FERRY3: variants seen among roughly 807,000 people sequenced by gnomAD.
The protein encoded by FERRY3 is FERRY endosomal RAB5 effector complex subunit 3, also known as protein C12orf4.
chr12:4,534,298 T>G, the FERRY3 span: 1 of 1,608,052 alleles, frequency 6.2e-7, no homozygotes, highest in East Asian at 2.2e-5. Flanking sequence ...GAGCTTCTTT[T>G]AAGTCTGTTA....
the FERRY3 span, among the ~76,000 whole-genome samples, chr12:4,514,309 A>T: frequency 6.6e-6 from 1 of 150,584 alleles, no homozygotes; most frequent in Non-Finnish European, 1.5e-5. Flanking sequence ...ACTGTAAACT[A>T]GTTCAACCAC....
chr12:4,537,454 G>A, the FERRY3 span, among the ~76,000 whole-genome samples: 3 of 152,094 alleles, frequency 2.0e-5, no homozygotes, highest in Admixed American at 6.5e-5. Context: ...AGGATGTTGC[G>A]AATGGCAAGA....
At chr12:4,498,040 C>T in the FERRY3 span, among the ~76,000 whole-genome samples, 3 of 152,150 alleles carry the variant, frequency 2.0e-5, no homozygotes, top group East Asian at 5.8e-4. Context: ...AATCATAGCT[C>T]AATATACTTT....
the FERRY3 span, among the ~76,000 whole-genome samples, chr12:4,516,426 G>A: frequency 5.0e-3 from 759 of 152,240 alleles, 12 homozygotes; most frequent in African/African-American, 0.017. Flanking sequence ...CATGGTCTTC[G>A]CAGTACTATT....
the FERRY3 span, chr12:4,530,012 C>T: frequency 6.2e-7 from 1 of 1,612,758 alleles, no homozygotes; most frequent in South Asian, 1.1e-5. Context: ...AATCTTCATC[C>T]CAGCTGGGTT....
the FERRY3 span, among the ~76,000 whole-genome samples, chr12:4,532,812 C>T: frequency 5.0e-4 from 76 of 152,268 alleles, no homozygotes; most frequent in Non-Finnish European, 9.6e-4. Flanking sequence ...ACTGTCTTGC[C>T]GATATCCTCA....
the FERRY3 span, among the ~76,000 whole-genome samples, chr12:4,513,726 CTTATATAAAAATCAAT>C: frequency 6.6e-6 from 1 of 152,118 alleles, no homozygotes; most frequent in African/African-American, 2.4e-5. Flanking sequence ...GTCCTTACAC[CTTATATAAAAATCAAT>C]TCAAGATGGA....
the FERRY3 span, among the ~76,000 whole-genome samples, chr12:4,493,391 G>A: frequency 6.6e-6 from 1 of 152,166 alleles, no homozygotes; most frequent in African/African-American, 2.4e-5. Context: ...GAGTGAATTA[G>A]CTTTTATCCA....
the FERRY3 span, chr12:4,489,805 G>A: frequency 6.1e-5 from 97 of 1,588,102 alleles, no homozygotes; most frequent in Non-Finnish European, 8.2e-5. Context: ...ATCTATAAGG[G>A]TTTAGTGCTT....
the FERRY3 span, among the ~76,000 whole-genome samples, chr12:4,499,670 T>C: frequency 0.036 from 5,521 of 152,298 alleles, 331 homozygotes; most frequent in African/African-American, 0.12. Flanking sequence ...GGCTTCTTCC[T>C]GTCATCTAGC....
the FERRY3 span, chr12:4,490,000 T>G: frequency 1.4e-6 from 1 of 727,324 alleles, no homozygotes; most frequent in Non-Finnish European, 2.2e-6. Context: ...CTACTAGGAA[T>G]ATGTGAGTGC....
chr12:4,512,612 G>C, the FERRY3 span, among the ~76,000 whole-genome samples: 234 of 151,388 alleles, frequency 1.5e-3, 1 homozygote, highest in African/African-American at 5.4e-3. Context: ...ATGTAATCCA[G>C]CATATAAACA....
chr12:4,526,764 C>T, the FERRY3 span, among the ~76,000 whole-genome samples: 1 of 151,702 alleles, frequency 6.6e-6, no homozygotes, highest in Non-Finnish European at 1.5e-5. Context: ...ATTGCTTGAA[C>T]CCAGGAGACT....
the FERRY3 span, among the ~76,000 whole-genome samples, chr12:4,533,276 C>T: frequency 2.5e-4 from 38 of 152,172 alleles, no homozygotes; most frequent in African/African-American, 8.0e-4. Context: ...TAAACTTTGC[C>T]GCCTTAAAAA....
the FERRY3 span, among the ~76,000 whole-genome samples, chr12:4,509,516 G>C: frequency 2.7e-5 from 4 of 149,968 alleles, no homozygotes; most frequent in Admixed American, 1.3e-4. Context: ...GCTTTGAAGA[G>C]AGCACTGGTT....
At chr12:4,536,858 C>G in the FERRY3 span, among the ~76,000 whole-genome samples, 4 of 152,208 alleles carry the variant, frequency 2.6e-5, no homozygotes, top group Non-Finnish European at 2.9e-5. Context: ...AGCCTTGTAA[C>G]TGGACTTCCT....
chr12:4,531,021 A>T, the FERRY3 span, among the ~76,000 whole-genome samples: 1 of 152,196 alleles, frequency 6.6e-6, no homozygotes, highest in African/African-American at 2.4e-5. Flanking sequence ...AATATTAAAA[A>T]CTGGAATTTA....
chr12:4,493,526 G>A, the FERRY3 span, among the ~76,000 whole-genome samples: 9 of 151,874 alleles, frequency 5.9e-5, no homozygotes, highest in African/African-American at 2.2e-4. Context: ...TAGTTTTTTA[G>A]TTGGCTAAAA....
chr12:4,506,379 A>T, the FERRY3 span, among the ~76,000 whole-genome samples: 1 of 152,192 alleles, frequency 6.6e-6, no homozygotes, highest in Non-Finnish European at 1.5e-5. Context: ...ATTTTTATCC[A>T]GTGACTTTGA....
Sources: gnomAD v4.1 joint callset for allele counts (sites outside exome capture counted in the v4.1 genomes callset) on GRCh38, gnomAD v4.1.1 for gene constraint, MANE v1.5 for transcripts, NCBI Gene and HGNC (gene_info 2026-07-23, HGNC 2026-07-21) for gene names.